Variants in RANBP3L observed in about 807,000 individuals in gnomAD.
RANBP3L encodes the protein ran-binding protein 3-like.
In RANBP3L, 56 loss-of-function variants were observed where a neutral mutation model predicts 67.2. That is an observed-to-expected ratio of 0.83 (90% CI 0.67 to 1.04). RANBP3L has a LOEUF of 1.04. Among genes scored for constraint, RANBP3L ranks in the 50% least tolerant of loss-of-function variants. The pLI is 0.00. For synonymous variants in RANBP3L, 164 were observed against 181.4 expected, an observed-to-expected ratio of 0.90 and a Z score of 0.77; for missense variants, 496 against 535.5, an observed-to-expected ratio of 0.93 and a Z score of 0.73.
rs923828851 is a variant in RANBP3L at position 36,301,370 on chromosome 5, A to C, written c.47T>G (p.Leu16Trp). The stretch of plus-strand genomic sequence containing the variant: ...CTGCAGCTTCAGTTTACAGGTGTGC[A>C]AACTGCCAGGCAGGTGGCTGCTGCC... ...RKGSSHLPGS[L>W]HTCKLKLQED... Residue 16 changes from leucine to tryptophan, a missense_variant, in exon 1 of 14, where the codon TTG (leucine) becomes TGG (tryptophan). By Grantham distance (61) the Leu-to-Trp change is moderately conservative. Transcript: ENST00000296604. The C allele has an allele frequency of 1.9e-6, 3 of 1,613,846 alleles. No homozygotes were observed. Among genetic ancestry groups the C allele is most frequent in the Non-Finnish European group, 2.5e-6 (3 of 1,179,836 alleles).
Position 36,301,540 on chromosome 5 carries a change from T to C in RANBP3L, c.-124A>G. ...GATTCATGCAGATCTTGTCTTTGCA[T>C]GTACAACATATACTCCTCTACTAAA... On this transcript the variant is annotated 5_prime_UTR_variant, in exon 1 of 14. It removes an upstream start codon present in the reference 5' UTR. Coordinates refer to ENST00000296604, the MANE Select transcript of RANBP3L (RefSeq NM_145000.5). 2 of 669,224 alleles carry C rather than the reference T, an allele frequency of 3.0e-6. No individual in the cohort carries two copies. The highest frequency in any genetic ancestry group is 5.4e-6 in the Non-Finnish European group (2 of 373,460). 41.5% of individuals were successfully genotyped at this position (669,224 alleles called of 1,614,324 possible). A position where few individuals can be genotyped will look rare whatever the true frequency, so the allele number is the denominator to read the frequency against.
At position 36,251,498 on chromosome 5, in the gene RANBP3L, G is replaced by A. The variant is rs1167712618; in HGVS notation, c.1169C>T (p.Ala390Val). The A allele has an allele frequency of 6.3e-7, 1 of 1,590,928 alleles. No homozygotes were observed. The highest frequency in any genetic ancestry group is 1.1e-5 in the South Asian group (1 of 87,606). Residue 390 changes from alanine to valine, a missense_variant and splice_region_variant, in exon 13 of 14, where the codon GCC (alanine) becomes GTC (valine). Transcript: ENST00000296604. ...DYSIKIFLIQ[A>V]SAQDTAYLYA... ...CAAATATGCTGTATCTTGGGCACTG[G>A]CCTGCATGAGGAACATTAAATTGTT...
rs146572714 is a variant in RANBP3L at position 36,269,438 on chromosome 5, G to A, written c.220C>T (p.Arg74Trp). 150 of 1,578,144 alleles carry A rather than the reference G, an allele frequency of 9.5e-5. No individual in the cohort carries two copies. In the Middle Eastern group the frequency reaches 2.3e-3, roughly 25 times the overall value. ...ATATGAAAAGTAAAAGATGAAGACC[G>A]TACACGCTTTGTTGGAAAACCATTA... Reference protein sequence around the residue: ...ECNGFPTKRVRSSSFTFHITD... With the variant: ...ECNGFPTKRVWSSSFTFHITD... The change falls in exon 4 of 14, where the codon CGG becomes TGG. Residue 74 changes from arginine (R) to tryptophan (W), a missense_variant. By Grantham distance (101) the Arg-to-Trp change is moderately radical. Coordinates refer to ENST00000296604, the MANE Select transcript of RANBP3L (RefSeq NM_145000.5).
At chr5:36,279,872 T>C (rs1442983585) in intron 1 of RANBP3L, among the ~76,000 whole-genome samples, 1 of 152,074 alleles carries the variant, frequency 6.6e-6, no homozygotes, top group African/African-American at 2.4e-5. Flanking sequence ...AATCAACATG[T>C]GAAAAAAATA....
chr5:36,279,354 T>C (rs2111992763), intron 1 of RANBP3L, among the ~76,000 whole-genome samples: 1 of 152,238 alleles, frequency 6.6e-6, no homozygotes, highest in Admixed American at 6.5e-5. Context: ...TAAAAAACTT[T>C]TTTTAATGAA....
At chr5:36,280,041 CCTT>C (rs1164683269) in intron 1 of RANBP3L, among the ~76,000 whole-genome samples, 2 of 152,146 alleles carry the variant, frequency 1.3e-5, no homozygotes, top group Non-Finnish European at 2.9e-5. Context: ...TTTGTCTAAT[CCTT>C]CTCATTTTCT....
chr5:36,261,418 A>G (rs1288422689), intron 7 of RANBP3L, among the ~76,000 whole-genome samples: 1 of 152,164 alleles, frequency 6.6e-6, no homozygotes, highest in African/African-American at 2.4e-5. Flanking sequence ...ATGCACATAG[A>G]AGGCACCTGC....
chr5:36,252,776 G>T (rs1478157610), intron 12 of RANBP3L, among the ~76,000 whole-genome samples: 1 of 152,054 alleles, frequency 6.6e-6, no homozygotes, highest in Non-Finnish European at 1.5e-5. Context: ...ACCTTAAATG[G>T]TAAACGGGGT....
intron 11 of RANBP3L, among the ~76,000 whole-genome samples, chr5:36,254,721 G>T (rs1013383353): frequency 1.3e-5 from 2 of 152,026 alleles, no homozygotes; most frequent in African/African-American, 2.4e-5. Flanking sequence ...CTTGGATCCA[G>T]TGTCTACCTG....
At chr5:36,276,502 A>T (rs113368339) in intron 1 of RANBP3L, among the ~76,000 whole-genome samples, 1 of 150,942 alleles carries the variant, frequency 6.6e-6, no homozygotes, top group Non-Finnish European at 1.5e-5. Flanking sequence ...GGGAAAAAAA[A>T]TTCAGCTGAA....
chr5:36,286,097 G>A (rs76762831), intron 1 of RANBP3L, among the ~76,000 whole-genome samples: 5,005 of 152,216 alleles, frequency 0.033, 208 homozygotes, highest in East Asian at 0.15. Flanking sequence ...TTGGGACATT[G>A]TATGCAGTGT....
intron 1 of RANBP3L, among the ~76,000 whole-genome samples, chr5:36,290,049 G>A (rs1169278838): frequency 1.3e-5 from 2 of 152,130 alleles, no homozygotes; most frequent in Non-Finnish European, 1.5e-5. Context: ...GGTTGAGGAA[G>A]TTGCTCTATT....
In RANBP3L at chr5:36,255,383, C is replaced by G. The variant is rs376752451; in HGVS notation, c.1024+87G>C. On this transcript the variant is annotated intron_variant, in intron 11 of 13. Transcript: ENST00000296604. Reference sequence around the variant, plus strand: ...TTTTGGTGTATTTTATAGCACATCTCCAGAAAATGATGTGTACCTATATTA... The same window carrying G: ...TTTTGGTGTATTTTATAGCACATCTGCAGAAAATGATGTGTACCTATATTA... 14 of 1,289,624 alleles carry G rather than the reference C, an allele frequency of 1.1e-5. No individual in the cohort carries two copies. The African/African-American group carries it at 2.1e-4, about 20-fold the overall frequency. 79.9% of individuals were successfully genotyped at this position (1,289,624 alleles called of 1,614,324 possible).
chr5:36,265,346 T>C (rs1388293831), intron 5 of RANBP3L, 103 bp downstream of exon 5: 1 of 781,586 alleles, frequency 1.3e-6, no homozygotes, highest in Middle Eastern at 2.4e-4. Context: ...TTTGTCACTC[T>C]GACCTACCTC....
intron 4 of RANBP3L, among the ~76,000 whole-genome samples, chr5:36,266,661 A>G (rs1252519017): frequency 6.6e-6 from 1 of 152,180 alleles, no homozygotes; most frequent in Non-Finnish European, 1.5e-5. Context: ...ACGTGCATAG[A>G]TAACTTAAAG....
At chr5:36,252,997 A>G (rs1271325496) in intron 12 of RANBP3L, among the ~76,000 whole-genome samples, 1 of 151,760 alleles carries the variant, frequency 6.6e-6, no homozygotes, top group Non-Finnish European at 1.5e-5. Flanking sequence ...GGGGAAATCC[A>G]GTTTTTTTTG....
At chr5:36,271,389 CTT>C (rs5867310) in intron 1 of RANBP3L, 78 bp from the exon 2 acceptor site, 24,798 of 813,418 alleles carry the variant, frequency 0.03, 1,750 homozygotes, top group South Asian at 0.21. Context: ...TATTTGAAGA[CTT>C]TTTTTTTTGT....
At chr5:36,265,701 G>C (rs959878007) in intron 4 of RANBP3L, among the ~76,000 whole-genome samples, 181 bp from the exon 5 acceptor site, 1 of 152,166 alleles carries the variant, frequency 6.6e-6, no homozygotes, top group East Asian at 1.9e-4. Flanking sequence ...AGCCAGGCGC[G>C]GTGGCTCGCG....
rs560778478 is a variant in RANBP3L at position 36,266,296 on chromosome 5, C to A, written c.269-776G>T. Among the ~76,000 whole-genome samples, 724 of 152,258 alleles carry A rather than the reference C, an allele frequency of 4.8e-3. 3 individuals carry two copies. Among genetic ancestry groups the A allele is most frequent in the Non-Finnish European group, 7.2e-3 (490 of 68,020 alleles). On this transcript the variant is annotated intron_variant, in intron 4 of 13. Coordinates refer to ENST00000296604, the MANE Select transcript of RANBP3L (RefSeq NM_145000.5). Reference sequence around the variant, plus strand: ...ATCTGCTAAGTTATTTTTCTACAAACATGTTGGTGGGGTAAGACTGTGGTG... The same window carrying A: ...ATCTGCTAAGTTATTTTTCTACAAAAATGTTGGTGGGGTAAGACTGTGGTG...
Sources: allele counts gnomAD v4.1 joint callset (sites outside exome capture counted in the v4.1 genomes callset), GRCh38; gene constraint gnomAD v4.1.1; transcripts MANE v1.5; gene names NCBI Gene and HGNC (gene_info 2026-07-23, HGNC 2026-07-21).